SPATA13: variants seen among roughly 807,000 people sequenced by gnomAD.
The protein encoded by SPATA13 is spermatogenesis-associated protein 13.
A neutral mutation model predicts 104.0 loss-of-function variants in SPATA13; 50 were observed. The observed-to-expected ratio is 0.48, with a 90% CI of 0.38 to 0.61. The LOEUF (loss-of-function observed/expected upper bound fraction) is 0.61. SPATA13 is among the 20% of genes least tolerant of loss of function. The pLI, the probability that SPATA13 is intolerant of heterozygous loss-of-function variation, is 0.00. For synonymous variants in SPATA13, 606 were observed against 667.5 expected, an observed-to-expected ratio of 0.91 and a Z score of 1.42; for missense variants, 1,524 against 1,690.6, an observed-to-expected ratio of 0.90 and a Z score of 1.73.
At chr13:24,293,561 T>C (rs569428895) in intron 9 of SPATA13, among the ~76,000 whole-genome samples, 1 of 152,340 alleles carries the variant, frequency 6.6e-6, no homozygotes, top group African/African-American at 2.4e-5. Flanking sequence ...TTAGTTGACA[T>C]GACAGAAAGT....
At chr13:24,186,570 C>T (rs1869164225) in intron 1 of SPATA13, among the ~76,000 whole-genome samples, 1 of 152,124 alleles carries the variant, frequency 6.6e-6, no homozygotes, top group Non-Finnish European at 1.5e-5. Flanking sequence ...TAGGTTGTCC[C>T]CAGGGTCTAA....
rs142556186 is a variant in SPATA13 at position 24,230,536 on chromosome 13, T to G, written c.1653+5954T>G. 1.9e-3 allele frequency among the ~76,000 whole-genome samples: 296 copies of G among 152,278 alleles called. 1 individual carries two copies. The highest frequency in any genetic ancestry group is 6.4e-3 in the African/African-American group (265 of 41,556). On this transcript the variant is annotated intron_variant, in intron 2 of 12. Coordinates refer to ENST00000382108, the MANE Select transcript of SPATA13 (RefSeq NM_001166271.3). ...GTAGAACAGGAGGCAGATGCCCACA[T>G]CTGAGCTCAGCTCTGCTGCTTACCA...
chr13:24,097,325 C>T (rs1362499363), intron 3 of SPATA13, among the ~76,000 whole-genome samples: 1 of 152,112 alleles, frequency 6.6e-6, no homozygotes, highest in Non-Finnish European at 1.5e-5. Flanking sequence ...AATAATTTCC[C>T]CAAGGTCATG....
At chr13:24,145,839 C>G (rs775469521) in intron 3 of SPATA13, among the ~76,000 whole-genome samples, 2 of 152,208 alleles carry the variant, frequency 1.3e-5, no homozygotes, top group Non-Finnish European at 2.9e-5. Flanking sequence ...CAAGACTTCA[C>G]GGCGGAGACA....
Position 24,277,272 on chromosome 13 carries a change from G to A in SPATA13, c.2165-6863G>A, listed in dbSNP as rs181575076. On this transcript the variant is annotated intron_variant, in intron 4 of 12. Transcript: ENST00000382108. ...ATCCTGGCTAACATGGTGAAACCAC[G>A]TCTCTACTAAAAATACAAAAAATTA... is the stretch of plus-strand genomic sequence containing the variant. Among the ~76,000 whole-genome samples the A allele has an allele frequency of 5.0e-3, 753 of 151,916 alleles. 7 individuals are homozygous for A. Among genetic ancestry groups the A allele is most frequent in the African/African-American group, 0.016 (683 of 41,420 alleles).
chr13:24,266,868 C>T (rs776227998), intron 4 of SPATA13, among the ~76,000 whole-genome samples: 6 of 151,556 alleles, frequency 4.0e-5, no homozygotes, highest in East Asian at 3.9e-4. Context: ...CTCAGCTCTC[C>T]GCAGCCTCAA....
chr13:24,157,329 C>T (rs1027294648), upstream of SPATA13, among the ~76,000 whole-genome samples: 4 of 151,956 alleles, frequency 2.6e-5, no homozygotes, highest in African/African-American at 4.8e-5. Flanking sequence ...GATGGAGTCT[C>T]GCTCTGTCAC....
At position 24,302,892 on chromosome 13, in the gene SPATA13, A is replaced by C. The variant is rs1266411323; in HGVS notation, c.*119A>C. 1.5e-6 allele frequency: 2 copies of C among 1,295,726 alleles called. No homozygotes were observed. 80.3% of individuals were successfully genotyped at this position (1,295,726 alleles called of 1,614,324 possible). A position where few individuals can be genotyped will look rare whatever the true frequency, so the allele number is the denominator to read the frequency against. Reference sequence around the variant, plus strand: ...CAGTGATAAAAACTTCCTTTTAGGGATCAATGAAGGAGAGAAGGTCTTGGA... The same window carrying C: ...CAGTGATAAAAACTTCCTTTTAGGGCTCAATGAAGGAGAGAAGGTCTTGGA... On this transcript the variant is annotated 3_prime_UTR_variant, in exon 13 of 13. Transcript: ENST00000382108.
intron 1 of SPATA13, among the ~76,000 whole-genome samples, chr13:24,164,977 C>T (rs528768930): frequency 4.4e-4 from 67 of 152,242 alleles, no homozygotes; most frequent in Non-Finnish European, 6.8e-4. Flanking sequence ...TGTGGCAACA[C>T]CGCAGAATGC....
intron 4 of SPATA13, among the ~76,000 whole-genome samples, chr13:24,262,165 T>C (rs548630162): frequency 2.0e-5 from 3 of 152,324 alleles, no homozygotes; most frequent in African/African-American, 7.2e-5. Flanking sequence ...GAAGTGCTTA[T>C]GTTGTTTCAA....
At chr13:24,089,750 A>G (rs1322948082) in intron 3 of SPATA13, among the ~76,000 whole-genome samples, 1 of 152,196 alleles carries the variant, frequency 6.6e-6, no homozygotes, top group African/African-American at 2.4e-5. Flanking sequence ...CTGCTGCCAT[A>G]ACAAAATCCA....
At chr13:24,036,765 T>G (rs1877698937) in intron 3 of SPATA13, among the ~76,000 whole-genome samples, 2 of 152,104 alleles carry the variant, frequency 1.3e-5, no homozygotes, top group South Asian at 4.2e-4. Flanking sequence ...TCAAATAACG[T>G]TATTGTCGGT....
chr13:24,251,565 T>G, intron 3 of SPATA13, 153 bp from the exon 4 acceptor site: 1 of 1,487,996 alleles, frequency 6.7e-7, no homozygotes, highest in Non-Finnish European at 8.9e-7. Flanking sequence ...GAGTTGCCAC[T>G]GGGCTTCGGT....
chr13:24,142,702 T>C (rs1031225672), intron 3 of SPATA13, among the ~76,000 whole-genome samples: 1 of 151,810 alleles, frequency 6.6e-6, no homozygotes, highest in Non-Finnish European at 1.5e-5. Flanking sequence ...CTTCCTTCTT[T>C]TTCCTCCCTT....
Position 24,224,282 on chromosome 13 carries a change from C to T in SPATA13, c.1353C>T (p.Ser451=). The T allele has an allele frequency of 1.3e-6, 2 of 1,551,726 alleles. No individual in the cohort carries two copies. Among genetic ancestry groups the T allele is most frequent in the Non-Finnish European group, 1.7e-6 (2 of 1,147,000 alleles). ...ACTCCTGTGACCCAAACGCTGGCAGCCAGTTGACATTTGACCCTGAGCAGC... is the reference window on the plus strand; with the variant it reads ...ACTCCTGTGACCCAAACGCTGGCAGTCAGTTGACATTTGACCCTGAGCAGC... ...SKDSCDPNAG[S]QLTFDPEQPP... The change falls in exon 2 of 13, where the codon AGC becomes AGT. Residue 451 remains serine (S), a synonymous_variant. Transcript: ENST00000382108.
intron 2 of SPATA13, among the ~76,000 whole-genome samples, chr13:23,996,999 C>T (rs1419572205): frequency 6.6e-6 from 1 of 152,190 alleles, no homozygotes; most frequent in African/African-American, 2.4e-5. Context: ...GCCCATTGCT[C>T]TTCCCAGTGC....
At chr13:24,040,701 C>A (rs1405406926) in intron 3 of SPATA13, among the ~76,000 whole-genome samples, 76 of 152,150 alleles carry the variant, frequency 5.0e-4, no homozygotes, top group Admixed American at 4.9e-3. Context: ...TCCTGTGGAT[C>A]CAAATTGTAC....
At chr13:24,232,621 A>G (rs560643828) in intron 2 of SPATA13, among the ~76,000 whole-genome samples, 18 of 152,316 alleles carry the variant, frequency 1.2e-4, no homozygotes, top group African/African-American at 4.3e-4. Flanking sequence ...AGCTTACTGC[A>G]GCCTCAACCT....
chr13:24,209,243 C>A (rs182887350), intron 1 of SPATA13, among the ~76,000 whole-genome samples: 32 of 152,304 alleles, frequency 2.1e-4, no homozygotes, highest in African/African-American at 7.5e-4. Context: ...AAGGTGCTAT[C>A]CCCGTTTCTC....
Sources: allele counts gnomAD v4.1 joint callset (sites outside exome capture counted in the v4.1 genomes callset), GRCh38; gene constraint gnomAD v4.1.1; transcripts MANE v1.5; gene names NCBI Gene and HGNC (gene_info 2026-07-23, HGNC 2026-07-21).